Variants in MCF2L2 observed in about 807,000 individuals in gnomAD.
MCF2L2 encodes the protein MCF.2 cell line derived transforming sequence-like 2.
Under a neutral mutation model 150.2 loss-of-function variants are expected in MCF2L2, and 102 were observed. That is an observed-to-expected ratio of 0.68 (90% confidence interval 0.58 to 0.80). The LOEUF (loss-of-function observed/expected upper bound fraction) is 0.80. MCF2L2 is among the 30% of genes least tolerant of loss of function. The probability of loss-of-function intolerance (pLI) is 0.00; values close to 1 mark genes in which losing one functional copy is unlikely to be tolerated. For missense variants in MCF2L2, 1,256 were observed against 1,372.8 expected (o/e 0.91, Z 1.34); for synonymous variants, 465 against 491.3 (o/e 0.95, Z 0.71).
chr3:183,264,664 G>C (rs1451575745), intron 15 of MCF2L2, among the ~76,000 whole-genome samples: 2 of 152,186 alleles, frequency 1.3e-5, no homozygotes, highest in Non-Finnish European at 2.9e-5. Context: ...AAAACGGATA[G>C]CAGGTTTCAC....
At chr3:183,184,412 A>G (rs1721627496) in intron 27 of MCF2L2, among the ~76,000 whole-genome samples, 1 of 152,220 alleles carries the variant, frequency 6.6e-6, no homozygotes, top group Non-Finnish European at 1.5e-5. Context: ...TGGAGCAGAT[A>G]CACCCTGAGT....
chr3:183,240,518 C>T (rs2108681790), intron 15 of MCF2L2, among the ~76,000 whole-genome samples: 1 of 152,178 alleles, frequency 6.6e-6, no homozygotes, highest in East Asian at 1.9e-4. Context: ...ACGCCTAGTC[C>T]CCCAAAGCTC....
intron 25 of MCF2L2, among the ~76,000 whole-genome samples, chr3:183,201,176 G>A (rs1722267403): frequency 6.6e-6 from 1 of 152,200 alleles, no homozygotes; most frequent in Non-Finnish European, 1.5e-5. Context: ...GTCATTGGTA[G>A]CTTGATGGGG....
chr3:183,304,069 C>A (rs1420830108), intron 10 of MCF2L2, among the ~76,000 whole-genome samples: 2 of 152,180 alleles, frequency 1.3e-5, no homozygotes, highest in Non-Finnish European at 2.9e-5. Context: ...CTCCCCCTCA[C>A]CCATACTCCT....
In MCF2L2 at chr3:183,179,388, C is replaced by G; in HGVS notation, c.3337G>C (p.Glu1113Gln). The G allele has an allele frequency of 1.3e-6, 2 of 1,542,358 alleles. No homozygotes were observed. Among genetic ancestry groups the G allele is most frequent in the Non-Finnish European group, 1.7e-6 (2 of 1,144,034 alleles). ...RALRPRTSAQES is the reference protein window; with the variant it reads ...RALRPRTSAQQS ...GGGCGTCCGCAGGGAGGTCAGCTCTCCTGGGCGGAGGTCCTCGGGCGCAGC... is the reference window on the plus strand; with the variant it reads ...GGGCGTCCGCAGGGAGGTCAGCTCTGCTGGGCGGAGGTCCTCGGGCGCAGC... The change falls in exon 30 of 30, where the codon GAG (glutamate) becomes CAG (glutamine). Residue 1113 changes from glutamate (E) to glutamine (Q), a missense_variant. Glu to Gln is a conservative substitution (Grantham distance 29, BLOSUM62 2). Coordinates refer to ENST00000328913, the MANE Select transcript of MCF2L2 (RefSeq NM_015078.4). The surrounding 1 kb of genome is among the most constrained non-coding windows in gnomAD (Gnocchi z 4.2).
At chr3:183,375,972 C>T (rs1713167336) in intron 3 of MCF2L2, 1 of 152,308 alleles carries the variant, frequency 6.6e-6, no homozygotes, top group South Asian at 2.1e-4. Flanking sequence ...CCCTTTGTCT[C>T]CACTTTTTGT....
intron 1 of MCF2L2, among the ~76,000 whole-genome samples, chr3:183,413,023 A>G (rs7614494): frequency 0.019 from 2,875 of 152,226 alleles, 91 homozygotes; most frequent in African/African-American, 0.066. Context: ...CATGTATTAT[A>G]TTGATTGATT....
chr3:183,387,433 A>G (rs1407015696), intron 2 of MCF2L2, among the ~76,000 whole-genome samples: 1 of 152,136 alleles, frequency 6.6e-6, no homozygotes. Flanking sequence ...GGGAGTGACA[A>G]TTATCTCTAT....
intron 10 of MCF2L2, among the ~76,000 whole-genome samples, chr3:183,304,125 C>T (rs1728984912): frequency 6.6e-6 from 1 of 152,174 alleles, no homozygotes; most frequent in Admixed American, 6.5e-5. Flanking sequence ...TCACCTTCTC[C>T]AGAAAACTTT....
chr3:183,338,354 G>A lies in MCF2L2; in HGVS notation c.486+446C>T, dbSNP rs1730567765. ...CCCAGCTACTTGGCAGGCTGAGGCA[G>A]GAGAATCACTTGAACCCGAGAGGCG... On this transcript the variant is annotated intron_variant, in intron 5 of 29. Transcript: ENST00000328913. Among the ~76,000 whole-genome samples the A allele has an allele frequency of 4.0e-5, 6 of 151,572 alleles. No homozygotes were observed. In the South Asian group the frequency reaches 1.3e-3, roughly 32 times the overall value.
chr3:183,384,658 C>T (rs1327628512), intron 2 of MCF2L2, among the ~76,000 whole-genome samples: 1 of 152,192 alleles, frequency 6.6e-6, no homozygotes, highest in Non-Finnish European at 1.5e-5. Flanking sequence ...TCCTTAAAAA[C>T]TCTGTTCCCT....
At chr3:183,392,726 C>T (rs146849978) in intron 1 of MCF2L2, among the ~76,000 whole-genome samples, 173 of 152,312 alleles carry the variant, frequency 1.1e-3, no homozygotes, top group African/African-American at 4.0e-3. Context: ...ACCCAGCCTT[C>T]AGTTGCCTGA....
chr3:183,195,935 G>A (rs994340891), intron 25 of MCF2L2, among the ~76,000 whole-genome samples: 2 of 152,198 alleles, frequency 1.3e-5, no homozygotes, highest in Admixed American at 1.3e-4. Flanking sequence ...GCTAGGATGG[G>A]ACCGTGGCCT....
chr3:183,306,620 G>A (rs1729112145), intron 10 of MCF2L2, among the ~76,000 whole-genome samples: 1 of 152,244 alleles, frequency 6.6e-6, no homozygotes, highest in South Asian at 2.1e-4. Context: ...GGGATGGAGT[G>A]TGTGTATGGG....
intron 14 of MCF2L2, chr3:183,287,955 A>T (rs1727889802): frequency 6.6e-6 from 1 of 152,232 alleles, no homozygotes; most frequent in African/African-American, 2.4e-5. Context: ...ATTTGAGCCC[A>T]TGGCCTCTGG....
At chr3:183,381,651 C>A (rs185019233) in intron 2 of MCF2L2, among the ~76,000 whole-genome samples, 1 of 152,094 alleles carries the variant, frequency 6.6e-6, no homozygotes, top group Admixed American at 6.6e-5. Flanking sequence ...TGCTGTAGAA[C>A]GAAACCATGT....
intron 14 of MCF2L2, among the ~76,000 whole-genome samples, chr3:183,286,936 C>T (rs1727829488): frequency 6.6e-6 from 1 of 152,174 alleles, no homozygotes; most frequent in Non-Finnish European, 1.5e-5. Flanking sequence ...TGGACTTGTG[C>T]TTGTTTAACA....
At chr3:183,418,216 C>T (rs1715699838) in intron 1 of MCF2L2, among the ~76,000 whole-genome samples, 1 of 152,006 alleles carries the variant, frequency 6.6e-6, no homozygotes, top group Admixed American at 6.6e-5. Context: ...ATAAACCCAT[C>T]AGATCTTGTG....
chr3:183,271,617 T>C (rs1265595636), intron 15 of MCF2L2: 2 of 167,058 alleles, frequency 1.2e-5, no homozygotes, highest in Non-Finnish European at 2.9e-5. Flanking sequence ...ATACTTTATA[T>C]GTTTTTAATG....
Sources: gnomAD v4.1 joint callset for allele counts (sites outside exome capture counted in the v4.1 genomes callset) on GRCh38, gnomAD v4.1.1 for gene constraint, Gnocchi (gnomAD v3.1) non-coding constraint, MANE v1.5 for transcripts, NCBI Gene and HGNC (gene_info 2026-07-23, HGNC 2026-07-21) for gene names.